The following SUMF1 variants were observed in gnomAD, a reference collection of about 807,000 sequenced individuals.
SUMF1 encodes the protein formylglycine-generating enzyme.
SUMF1 carries 48 observed loss-of-function variants against 47.6 expected under a neutral mutation model. The ratio of observed to expected loss-of-function variants is 1.01; its 90% CI spans 0.80 to 1.28. The LOEUF is 1.28. SUMF1 is among the 50% of genes most tolerant of loss of function. The pLI is 0.00. For missense variants in SUMF1, 571 were observed against 485.4 expected (o/e 1.18, Z -1.66); for synonymous variants, 230 against 192.1 (o/e 1.20, Z -1.63).
chr3:4,317,179 C>G, intron 8 of SUMF1: 1 of 1,550,138 alleles, frequency 6.5e-7, no homozygotes, highest in African/African-American at 1.4e-5. Flanking sequence ...TTTTACGCTA[C>G]AGGAATAAAC....
At chr3:4,269,080 A>G (rs559215930) in intron 8 of SUMF1, among the ~76,000 whole-genome samples, 1 of 152,190 alleles carries the variant, frequency 6.6e-6, no homozygotes, top group Non-Finnish European at 1.5e-5. Flanking sequence ...CACCACCCAG[A>G]TCAGTGATGA....
intron 8 of SUMF1, chr3:4,313,837 T>A: frequency 6.3e-7 from 1 of 1,590,134 alleles, no homozygotes; most frequent in East Asian, 2.2e-5. Flanking sequence ...TACCTCTGCC[T>A]AGTTACATAA....
chr3:4,200,150 A>G (rs1480017264), intron 8 of SUMF1, among the ~76,000 whole-genome samples: 3 of 148,516 alleles, frequency 2.0e-5, no homozygotes, highest in Non-Finnish European at 4.4e-5. Context: ...CGTATTTTGC[A>G]TATGGTGTGA....
chr3:4,428,245 C>T (rs1010975618), intron 3 of SUMF1, among the ~76,000 whole-genome samples: 2 of 151,744 alleles, frequency 1.3e-5, no homozygotes, highest in Admixed American at 1.3e-4. Context: ...ATAGAGACAC[C>T]CACCCACATA....
chr3:4,121,556 A>G (rs1019833391), intron 8 of SUMF1, among the ~76,000 whole-genome samples: 5 of 152,152 alleles, frequency 3.3e-5, no homozygotes, highest in African/African-American at 1.2e-4. Context: ...GGCTCCTTGT[A>G]GCCTGTAGAC....
At chr3:4,371,073 T>A (rs1700152389) in intron 8 of SUMF1, among the ~76,000 whole-genome samples, 2 of 152,244 alleles carry the variant, frequency 1.3e-5, no homozygotes, top group Non-Finnish European at 2.9e-5. Context: ...TCAGCAAACA[T>A]TTATTAATAA....
intron 8 of SUMF1, among the ~76,000 whole-genome samples, chr3:4,141,370 TAAG>T (rs1173198351): frequency 1.3e-5 from 2 of 152,102 alleles, no homozygotes; most frequent in Non-Finnish European, 2.9e-5. Context: ...TAGAAGCCTT[TAAG>T]AAGATCTGAC....
At chr3:4,261,513 T>C (rs1276611420) in intron 8 of SUMF1, among the ~76,000 whole-genome samples, 1 of 152,218 alleles carries the variant, frequency 6.6e-6, no homozygotes, top group Non-Finnish European at 1.5e-5. Flanking sequence ...CATGGGTTGC[T>C]TGTCCTGCCG....
intron 7 of SUMF1, among the ~76,000 whole-genome samples, chr3:4,392,762 G>T (rs1700915728): frequency 6.6e-6 from 1 of 151,028 alleles, no homozygotes; most frequent in Non-Finnish European, 1.5e-5. Flanking sequence ...TTTTGTTTTG[G>T]TAACTTACCT....
chr3:4,054,728 C>G (rs758933719), intron 9 of SUMF1, among the ~76,000 whole-genome samples: 1 of 152,110 alleles, frequency 6.6e-6, no homozygotes, highest in Non-Finnish European at 1.5e-5. Context: ...CCCAGAATCC[C>G]AGAGAAACTG....
chr3:4,164,465 G>A (rs546483616), intron 8 of SUMF1, among the ~76,000 whole-genome samples: 70 of 152,308 alleles, frequency 4.6e-4, no homozygotes, highest in African/African-American at 1.3e-3. Flanking sequence ...GGGGCAGTGC[G>A]CCTTCCAGTG....
At chr3:4,224,067 G>C (rs979507935) in intron 8 of SUMF1, among the ~76,000 whole-genome samples, 1 of 152,104 alleles carries the variant, frequency 6.6e-6, no homozygotes, top group East Asian at 1.9e-4. Flanking sequence ...GCCGGGGGTG[G>C]AGTGTGATGA....
chr3:4,206,697 G>A (rs921574294), intron 8 of SUMF1, among the ~76,000 whole-genome samples: 13 of 152,236 alleles, frequency 8.5e-5, no homozygotes, highest in South Asian at 4.2e-4. Context: ...GGTTCTCATG[G>A]GGGTGCTTTC....
intron 8 of SUMF1, among the ~76,000 whole-genome samples, chr3:4,371,081 T>C (rs1259030103): frequency 1.3e-5 from 2 of 152,244 alleles, no homozygotes; most frequent in Non-Finnish European, 2.9e-5. Context: ...CATTTATTAA[T>C]AAGTCGTTTA....
At chr3:4,147,687 T>C (rs1224571149) in intron 8 of SUMF1, among the ~76,000 whole-genome samples, 1 of 152,168 alleles carries the variant, frequency 6.6e-6, no homozygotes, top group East Asian at 1.9e-4. Context: ...GACTAACTTA[T>C]TGTACAGAAC....
At chr3:4,275,490 C>T (rs1181457109) in intron 8 of SUMF1, among the ~76,000 whole-genome samples, 1 of 152,128 alleles carries the variant, frequency 6.6e-6, no homozygotes, top group Non-Finnish European at 1.5e-5. Context: ...CCAAGAAAAC[C>T]TTTCCCAGAA....
At chr3:4,342,360 C>T (rs565464500) in intron 8 of SUMF1, among the ~76,000 whole-genome samples, 1 of 152,074 alleles carries the variant, frequency 6.6e-6, no homozygotes, top group African/African-American at 2.4e-5. Flanking sequence ...TGGTGAAACC[C>T]CATCTCTACT....
chr3:4,138,996 T>C (rs953639974), intron 8 of SUMF1, among the ~76,000 whole-genome samples: 1 of 152,128 alleles, frequency 6.6e-6, no homozygotes, highest in African/African-American at 2.4e-5. Flanking sequence ...GTGATTCATG[T>C]TGGTACCTTG....
chr3:4,331,130 T>G (rs1699043129), intron 8 of SUMF1, among the ~76,000 whole-genome samples: 1 of 152,196 alleles, frequency 6.6e-6, no homozygotes, highest in Non-Finnish European at 1.5e-5. Context: ...TTCAGTTTTG[T>G]CCTGTCATCT....
Sources: allele counts gnomAD v4.1 joint callset (sites outside exome capture counted in the v4.1 genomes callset), GRCh38; gene constraint gnomAD v4.1.1; transcripts MANE v1.5; gene names NCBI Gene and HGNC (gene_info 2026-07-23, HGNC 2026-07-21).